SRGAP1: variants seen among roughly 807,000 people sequenced by gnomAD.
The protein encoded by SRGAP1 is SLIT-ROBO Rho GTPase activating protein 1, also known as SLIT-ROBO Rho GTPase-activating protein 1.
A neutral mutation model predicts 121.9 loss-of-function variants in SRGAP1; 43 were observed. That is an observed-to-expected ratio of 0.35 (90% CI 0.28 to 0.46). SRGAP1 has a LOEUF of 0.46. Among genes scored for constraint, SRGAP1 ranks in the 20% least tolerant of loss-of-function variants. The probability of loss-of-function intolerance (pLI) is 1.00; values close to 1 mark genes in which losing one functional copy is unlikely to be tolerated. For synonymous variants in SRGAP1, 447 were observed against 485.4 expected (o/e 0.92, Z 1.04); for missense variants, 1,102 against 1,350.9 (o/e 0.82, Z 2.89).
At chr12:64,065,244 A>G (rs2035517850) in intron 8 of SRGAP1, 25 bp downstream of exon 8, 7 of 1,560,196 alleles carry the variant, frequency 4.5e-6, no homozygotes, top group Admixed American at 1.8e-5. Flanking sequence ...GTCCTGCCAC[A>G]CCAGTAATCT....
chr12:64,041,831 C>A (rs1036496502), intron 4 of SRGAP1, among the ~76,000 whole-genome samples: 28 of 150,348 alleles, frequency 1.9e-4, no homozygotes, highest in Non-Finnish European at 3.5e-4. Flanking sequence ...AAAATCTTGT[C>A]AGTGGTTATC....
rs1316552785 is a variant in SRGAP1, at chr12:64,152,886, A to C, written c.*10214A>C. On this transcript the variant is annotated 3_prime_UTR_variant, in exon 22 of 22. Transcript: ENST00000355086. ...TGAGACACACAGGGCTCCTGGTCTC[A>C]TGGAGTGTACTTCCTGGTATGATTT... 2 of 140,462 alleles carry C rather than the reference A, an allele frequency of 1.4e-5. No individual in the cohort carries two copies. Among genetic ancestry groups the C allele is most frequent in the Admixed American group, 1.5e-4 (2 of 13,734 alleles). The allele number at this position is 140,462 out of a possible 1,614,324, so 8.7% of individuals were successfully genotyped here. A position where few individuals can be genotyped will look rare whatever the true frequency, so the allele number is the denominator to read the frequency against.
intron 4 of SRGAP1, among the ~76,000 whole-genome samples, chr12:64,027,983 T>C (rs1307601935): frequency 6.6e-6 from 1 of 152,220 alleles, no homozygotes; most frequent in East Asian, 1.9e-4. Flanking sequence ...AACCTTGTAA[T>C]ATAGAGGTCT....
intron 1 of SRGAP1, among the ~76,000 whole-genome samples, chr12:63,918,420 C>A (rs553332298): frequency 1.3e-5 from 2 of 152,112 alleles, no homozygotes; most frequent in African/African-American, 4.8e-5. Context: ...TGCTCTATTG[C>A]TTTCTCTCTT....
At chr12:63,972,873 G>T (rs2032995979) in intron 1 of SRGAP1, among the ~76,000 whole-genome samples, 1 of 152,106 alleles carries the variant, frequency 6.6e-6, no homozygotes, top group South Asian at 2.1e-4. Flanking sequence ...AGAAGGCCAG[G>T]CATGGTGGCT....
chr12:64,096,217 T>C (rs1056196290), intron 14 of SRGAP1, among the ~76,000 whole-genome samples: 3 of 152,222 alleles, frequency 2.0e-5, no homozygotes, highest in Admixed American at 2.0e-4. Flanking sequence ...TGTGATCTGC[T>C]TGGGTGAGGC....
At position 64,146,791 on chromosome 12, in the gene SRGAP1, A is replaced by G. The variant is rs1417684742; in HGVS notation, c.*4119A>G. On this transcript the variant is annotated 3_prime_UTR_variant, in exon 22 of 22. Coordinates refer to ENST00000355086, the MANE Select transcript of SRGAP1 (RefSeq NM_020762.4). Reference sequence around the variant, plus strand: ...AACACAAGCTCCAGCTGGGCTGGAGAGTCAGGCTTGGTGCAGGGTGACTTT... The same window carrying G: ...AACACAAGCTCCAGCTGGGCTGGAGGGTCAGGCTTGGTGCAGGGTGACTTT... The G allele has an allele frequency of 6.6e-6, 1 of 151,868 alleles. No homozygotes were observed. The highest frequency in any genetic ancestry group is 1.5e-5 in the Non-Finnish European group (1 of 68,002). 9.4% of individuals were successfully genotyped at this position (151,868 alleles called of 1,614,324 possible).
At chr12:64,003,062 G>C in intron 3 of SRGAP1, among the ~76,000 whole-genome samples, 1 of 129,918 alleles carries the variant, frequency 7.7e-6, no homozygotes, top group East Asian at 2.4e-4. Flanking sequence ...AAGAGAGAAA[G>C]AAAGGGAGGG....
intron 1 of SRGAP1, among the ~76,000 whole-genome samples, chr12:63,897,663 A>ACTGTT (rs1900798430): frequency 6.6e-6 from 1 of 152,160 alleles, no homozygotes; most frequent in African/African-American, 2.4e-5. Context: ...ATAATTTCCC[A>ACTGTT]CAGTTTTATT....
At position 63,929,090 on chromosome 12, in the gene SRGAP1, G is replaced by A. The variant is rs144561050; in HGVS notation, c.68-54857G>A. ...GGGGGTTGGGGACCCCTGGTTACAT[G>A]TGTGTACACAATTGTCAAATCTCAC... On this transcript the variant is annotated intron_variant, in intron 1 of 21. Transcript: ENST00000355086. 4.5e-3 allele frequency among the ~76,000 whole-genome samples: 684 copies of A among 152,276 alleles called. 3 individuals carry two copies. Among genetic ancestry groups the A allele is most frequent in the Admixed American group, 6.8e-3 (104 of 15,298 alleles).
intron 2 of SRGAP1, 58 bp from the exon 3 acceptor site, chr12:63,989,852 T>C: frequency 7.1e-7 from 1 of 1,412,790 alleles, no homozygotes; most frequent in Non-Finnish European, 9.8e-7. Flanking sequence ...GTGACTTCAC[T>C]CATCTGATTG....
chr12:64,147,575 G>A lies in SRGAP1; in HGVS notation c.*4903G>A. ...TCCCATCCCACCGCATCAGTCCCCC[G>A]CTCATGTGCTGCTGACAGCATCGCA... On this transcript the variant is annotated 3_prime_UTR_variant, in exon 22 of 22. Transcript: ENST00000355086. 5.0e-6 allele frequency: 2 copies of A among 398,558 alleles called. No individual in the cohort carries two copies. Among genetic ancestry groups the A allele is most frequent in the Non-Finnish European group, 8.8e-6 (2 of 226,146 alleles). 24.7% of individuals were successfully genotyped at this position (398,558 alleles called of 1,614,324 possible).
At chr12:64,017,878 C>G (rs752708050) in intron 4 of SRGAP1, among the ~76,000 whole-genome samples, 1 of 151,734 alleles carries the variant, frequency 6.6e-6, no homozygotes, top group Non-Finnish European at 1.5e-5. Context: ...TAAATTAAAA[C>G]TACTTTATTA....
intron 15 of SRGAP1, among the ~76,000 whole-genome samples, chr12:64,107,799 A>G (rs920858647): frequency 6.6e-6 from 1 of 152,246 alleles, no homozygotes; most frequent in Non-Finnish European, 1.5e-5. Context: ...GTTTTCAAAC[A>G]TAATACTTTT....
rs2031942377 is a variant in SRGAP1 at position 63,943,648 on chromosome 12, T to C, written c.68-40299T>C. Among the ~76,000 whole-genome samples the C allele has an allele frequency of 1.3e-5, 2 of 151,394 alleles. 1 individual carries two copies. Among genetic ancestry groups the C allele is most frequent in the South Asian group, 4.2e-4 (2 of 4,798 alleles). ...AGGGGTATAAGAAAATGAAGAGGAG[T>C]AAGTTTTTGAGGGTTGGAGGTGGGC... On this transcript the variant is annotated intron_variant, in intron 1 of 21. Transcript: ENST00000355086.
intron 1 of SRGAP1, among the ~76,000 whole-genome samples, chr12:63,937,075 A>G (rs1005434575): frequency 2.6e-5 from 4 of 152,032 alleles, no homozygotes; most frequent in Non-Finnish European, 5.9e-5. Flanking sequence ...AGCAGAGGAG[A>G]GGGAAGAAAA....
In SRGAP1 at chr12:64,070,484, T is replaced by C. The variant is rs146357731; in HGVS notation, c.1125+5265T>C. 5.9e-5 allele frequency among the ~76,000 whole-genome samples: 9 copies of C among 152,290 alleles called. No individual in the cohort carries two copies. In the East Asian group the frequency reaches 1.7e-3, roughly 29 times the overall value. On this transcript the variant is annotated intron_variant, in intron 8 of 21. Coordinates refer to ENST00000355086, the MANE Select transcript of SRGAP1 (RefSeq NM_020762.4). Reference sequence around the variant, plus strand: ...CTGCTGTTCTATGAGTAGAACCTTCTCACATGTAAAACAACTAGTCTCTCT... The same window carrying C: ...CTGCTGTTCTATGAGTAGAACCTTCCCACATGTAAAACAACTAGTCTCTCT...
intron 1 of SRGAP1, among the ~76,000 whole-genome samples, chr12:63,850,916 G>T (rs1432780648): frequency 6.6e-6 from 1 of 152,170 alleles, no homozygotes; most frequent in African/African-American, 2.4e-5. Flanking sequence ...AGCACTTTGG[G>T]AGGCCGAGGC....
At chr12:63,988,230 A>T (rs2033467330) in intron 2 of SRGAP1, among the ~76,000 whole-genome samples, 1 of 152,224 alleles carries the variant, frequency 6.6e-6, no homozygotes. Context: ...GGCCCTGAGG[A>T]TATGTTGAAG....
Sources: allele counts gnomAD v4.1 joint callset (sites outside exome capture counted in the v4.1 genomes callset), GRCh38; gene constraint gnomAD v4.1.1; transcripts MANE v1.5; gene names NCBI Gene and HGNC (gene_info 2026-07-23, HGNC 2026-07-21).